KCNJ6: variants seen among roughly 807,000 people sequenced by gnomAD.
The protein encoded by KCNJ6 is G protein-activated inward rectifier potassium channel 2.
Under a neutral mutation model 34.2 loss-of-function variants are expected in KCNJ6, and 9 were observed. That is an observed-to-expected ratio of 0.26 (90% CI 0.16 to 0.46). The LOEUF is 0.46. Ranked by LOEUF, KCNJ6 falls within the 20% of genes least tolerant of loss-of-function variation. The pLI is 1.00. For synonymous variants in KCNJ6, 196 were observed against 207.1 expected (o/e 0.95, Z 0.46); for missense variants, 236 against 531.3 (o/e 0.44, Z 5.46).
intron 2 of KCNJ6, among the ~76,000 whole-genome samples, chr21:37,769,446 C>T (rs866914918): frequency 1.2e-4 from 15 of 128,368 alleles, no homozygotes; most frequent in Middle Eastern, 7.8e-3. Context: ...ATTATTATTA[C>T]TATATTTTTT....
intron 2 of KCNJ6, among the ~76,000 whole-genome samples, chr21:37,804,570 C>T (rs992557669): frequency 2.0e-5 from 3 of 152,150 alleles, no homozygotes; most frequent in Non-Finnish European, 4.4e-5. Context: ...TCTTCTCCCT[C>T]CTCCCATCCT....
chr21:37,691,555 T>G (rs951231084), intron 3 of KCNJ6, among the ~76,000 whole-genome samples: 13 of 152,240 alleles, frequency 8.5e-5, no homozygotes, highest in Non-Finnish European at 1.6e-4. Flanking sequence ...GGAGTTCCTC[T>G]GAGGTGTCCC....
At position 37,614,982 on chromosome 21, in the gene KCNJ6, A is replaced by G. The variant is rs1241937576; in HGVS notation, c.*10177T>C. The stretch of plus-strand genomic sequence containing the variant: ...GGTGCACACAGGGAGGAACCATGTG[A>G]TAACAGGCCACATGTTTTGTTGATG... On this transcript the variant is annotated 3_prime_UTR_variant, in exon 4 of 4. Coordinates refer to ENST00000609713, the MANE Select transcript of KCNJ6 (RefSeq NM_002240.5). 2 of 152,244 alleles carry G rather than the reference A, an allele frequency of 1.3e-5. No homozygotes were observed. Among genetic ancestry groups the G allele is most frequent in the Non-Finnish European group, 2.9e-5 (2 of 68,048 alleles). 9.4% of individuals were successfully genotyped at this position (152,244 alleles called of 1,614,324 possible).
At chr21:37,741,943 G>T (rs191224626) in intron 2 of KCNJ6, among the ~76,000 whole-genome samples, 1 of 152,206 alleles carries the variant, frequency 6.6e-6, no homozygotes, top group Non-Finnish European at 1.5e-5. Flanking sequence ...TTATTCACAC[G>T]TGCTGTAGTA....
chr21:37,787,649 A>G (rs993450836), intron 2 of KCNJ6, among the ~76,000 whole-genome samples: 2 of 152,192 alleles, frequency 1.3e-5, no homozygotes, highest in African/African-American at 4.8e-5. Flanking sequence ...GTGAATTTCA[A>G]TGGACACAGT....
chr21:37,650,830 C>T (rs1304324873), intron 3 of KCNJ6, among the ~76,000 whole-genome samples: 6 of 152,198 alleles, frequency 3.9e-5, no homozygotes, highest in Admixed American at 3.9e-4. Context: ...GTACATCCAC[C>T]CTCATCTCCT....
At chr21:37,794,986 G>C (rs1021283349) in intron 2 of KCNJ6, among the ~76,000 whole-genome samples, 1 of 152,168 alleles carries the variant, frequency 6.6e-6, no homozygotes, top group Non-Finnish European at 1.5e-5. Flanking sequence ...AGAGGTCTGG[G>C]TAAAGATCAT....
chr21:37,707,711 T>TAGTGTGTGTGTGTGTGTGTGTGGGG lies in KCNJ6; in HGVS notation c.946+6499_946+6500insCCCCACACACACACACACACACACT, dbSNP rs1569449122. On this transcript the variant is annotated intron_variant, in intron 3 of 3. Transcript: ENST00000609713. Reference sequence around the variant, plus strand: ...CAGCACCTCAGGCTGCTTAGCTGTTTAGTATCTGTGCATGTGTGTGTGTGA... The same window carrying TAGTGTGTGTGTGTGTGTGTGTGGGG: ...CAGCACCTCAGGCTGCTTAGCTGTTTAGTGTGTGTGTGTGTGTGTGTGGGGAGTATCTGTGCATGTGTGTGTGTGA... 2.4e-4 allele frequency among the ~76,000 whole-genome samples: 8 copies of TAGTGTGTGTGTGTGTGTGTGTGGGG among 32,980 alleles called. 2 individuals are homozygous for TAGTGTGTGTGTGTGTGTGTGTGGGG. Among genetic ancestry groups the TAGTGTGTGTGTGTGTGTGTGTGGGG allele is most frequent in the South Asian group, 1.4e-3 (1 of 724 alleles). The allele number at this position is 32,980 out of a possible 152,430, so 21.6% of individuals were successfully genotyped here. A position where few individuals can be genotyped will look rare whatever the true frequency, so the allele number is the denominator to read the frequency against.
At chr21:37,706,394 C>T (rs139949822) in intron 3 of KCNJ6, among the ~76,000 whole-genome samples, 1 of 152,290 alleles carries the variant, frequency 6.6e-6, no homozygotes, top group African/African-American at 2.4e-5. Flanking sequence ...ATTATATTTC[C>T]CCATTTTATT....
chr21:37,687,033 G>A (rs1363411390), intron 3 of KCNJ6, among the ~76,000 whole-genome samples: 3 of 152,156 alleles, frequency 2.0e-5, no homozygotes, highest in African/African-American at 7.2e-5. Context: ...GCCCAGAGTG[G>A]TTAAGTGATT....
chr21:37,831,488 C>T (rs953954638), intron 2 of KCNJ6, among the ~76,000 whole-genome samples: 1 of 152,140 alleles, frequency 6.6e-6, no homozygotes, highest in Admixed American at 6.5e-5. Flanking sequence ...GAGGCTGAAT[C>T]CCTCAGTTAC....
rs148479581 is a variant in KCNJ6 at position 37,850,535 on chromosome 21, C to T, written c.-27-9826G>A. Among the ~76,000 whole-genome samples, 1,398 of 152,210 alleles carry T rather than the reference C, an allele frequency of 9.2e-3. 9 individuals carry two copies. The highest frequency in any genetic ancestry group is 0.017 in the Middle Eastern group (5 of 294). On this transcript the variant is annotated intron_variant, in intron 1 of 3. Coordinates refer to ENST00000609713, the MANE Select transcript of KCNJ6 (RefSeq NM_002240.5). ...TATTGCCTGATGATGTGAGGTGGAA[C>T]AGTTTCACTCTGAAACCATCCCCAC...
chr21:37,815,592 C>T lies in KCNJ6; in HGVS notation c.25+25066G>A, dbSNP rs373678223. The stretch of plus-strand genomic sequence containing the variant: ...GGGGTTCTGGGGACTTGGTCCTCCA[C>T]GGAAGTCCTGAAAACTTGGTGCTCC... On this transcript the variant is annotated intron_variant, in intron 2 of 3. Coordinates refer to ENST00000609713, the MANE Select transcript of KCNJ6 (RefSeq NM_002240.5). Among the ~76,000 whole-genome samples the T allele has an allele frequency of 5.3e-5, 8 of 152,242 alleles. No homozygotes were observed. The East Asian group carries it at 1.4e-3, about 26-fold the overall frequency.
chr21:37,900,700 C>T (rs191264515), intron 1 of KCNJ6, among the ~76,000 whole-genome samples: 1 of 152,206 alleles, frequency 6.6e-6, no homozygotes, highest in East Asian at 1.9e-4. Flanking sequence ...GGGGAAAGGA[C>T]ATCCAAGGCA....
At chr21:37,896,720 G>A (rs994294824) in intron 1 of KCNJ6, among the ~76,000 whole-genome samples, 2 of 152,056 alleles carry the variant, frequency 1.3e-5, no homozygotes, top group Non-Finnish European at 2.9e-5. Context: ...GAACACTCAG[G>A]GTTTCTCTGG....
At position 37,741,490 on chromosome 21, in the gene KCNJ6, C is replaced by T. The variant is rs1157533970; in HGVS notation, c.26-26359G>A. 9.2e-5 allele frequency among the ~76,000 whole-genome samples: 14 copies of T among 152,308 alleles called. No homozygotes were observed. In the East Asian group the frequency reaches 2.7e-3, roughly 29 times the overall value. On this transcript the variant is annotated intron_variant, in intron 2 of 3. Transcript: ENST00000609713. Reference sequence around the variant, plus strand: ...TCCCACTCAGTGGTCCTCTCTCCTGCAGCTCTGTCTGGTTTCCTCCCTTGG... The same window carrying T: ...TCCCACTCAGTGGTCCTCTCTCCTGTAGCTCTGTCTGGTTTCCTCCCTTGG...
intron 2 of KCNJ6, among the ~76,000 whole-genome samples, chr21:37,747,571 T>G (rs1349760533): frequency 2.0e-5 from 3 of 152,184 alleles, no homozygotes; most frequent in Non-Finnish European, 4.4e-5. Context: ...CTGGGGAGAT[T>G]ATCCTGGATT....
chr21:37,669,945 C>T (rs1331177456), intron 3 of KCNJ6, among the ~76,000 whole-genome samples: 1 of 152,084 alleles, frequency 6.6e-6, no homozygotes, highest in Admixed American at 6.6e-5. Flanking sequence ...TTGATGAATC[C>T]GAAGTCATGA....
At chr21:37,696,642 C>G (rs1165515096) in intron 3 of KCNJ6, among the ~76,000 whole-genome samples, 1 of 152,060 alleles carries the variant, frequency 6.6e-6, no homozygotes, top group Non-Finnish European at 1.5e-5. Flanking sequence ...TTGGCAAAAT[C>G]TGAATCAAGT....
Sources: allele counts gnomAD v4.1 joint callset (sites outside exome capture counted in the v4.1 genomes callset), GRCh38; gene constraint gnomAD v4.1.1; transcripts MANE v1.5; gene names NCBI Gene and HGNC (gene_info 2026-07-23, HGNC 2026-07-21).